HDAC9: variants seen among roughly 807,000 people sequenced by gnomAD.
The protein encoded by HDAC9 is MEF-2 interacting transcription repressor (MITR) protein.
HDAC9 carries 41 observed loss-of-function variants against 139.4 expected under a neutral mutation model. That is an observed-to-expected ratio of 0.29 (90% confidence interval 0.23 to 0.38). HDAC9 has a LOEUF of 0.38. Ranked by LOEUF, HDAC9 falls within the 10% of genes least tolerant of loss-of-function variation. The pLI is 1.00. For synonymous variants in HDAC9, 517 were observed against 476.2 expected, an observed-to-expected ratio of 1.09 and a Z score of -1.12; for missense variants, 1,147 against 1,297.0, an observed-to-expected ratio of 0.88 and a Z score of 1.78.
At chr7:18,441,695 TC>T (rs757962909) in intron 1 of HDAC9, among the ~76,000 whole-genome samples, 6 of 152,168 alleles carry the variant, frequency 3.9e-5, no homozygotes, top group Admixed American at 6.5e-5. Context: ...TATTTAAGAA[TC>T]CCTCTCTTCT....
intron 1 of HDAC9, among the ~76,000 whole-genome samples, chr7:18,349,116 C>T (rs1427712464): frequency 1.3e-5 from 2 of 152,078 alleles, no homozygotes; most frequent in African/African-American, 2.4e-5. Flanking sequence ...TTTTCTGTCA[C>T]TCAGAGTAAA....
intron 2 of HDAC9, among the ~76,000 whole-genome samples, chr7:18,195,879 G>T (rs1420403174): frequency 6.6e-6 from 1 of 151,888 alleles, no homozygotes. Context: ...CTATTCCTTT[G>T]TATTGGTTAA....
At chr7:18,435,867 G>C (rs560788702) in intron 1 of HDAC9, among the ~76,000 whole-genome samples, 1 of 149,460 alleles carries the variant, frequency 6.7e-6, no homozygotes, top group South Asian at 2.1e-4. Flanking sequence ...TGAAAAGAGA[G>C]TGATATGCAA....
intron 25 of HDAC9, among the ~76,000 whole-genome samples, chr7:18,980,685 CTTGTTCTTCTTCCTT>C (rs1563103070): frequency 3.7e-5 from 5 of 134,846 alleles, no homozygotes; most frequent in African/African-American, 8.7e-5. Flanking sequence ...TCTTGTTCTT[CTTGTTCTTCTTCCTT>C]CTTCTTCCTT....
At chr7:18,298,288 T>A (rs898939452) in intron 1 of HDAC9, among the ~76,000 whole-genome samples, 1 of 151,954 alleles carries the variant, frequency 6.6e-6, no homozygotes, top group Non-Finnish European at 1.5e-5. Context: ...ATGTTTTTTT[T>A]TTTTTTTTTT....
At chr7:18,171,080 A>C (rs1288960959) in intron 2 of HDAC9, among the ~76,000 whole-genome samples, 1 of 152,238 alleles carries the variant, frequency 6.6e-6, no homozygotes, top group Admixed American at 6.5e-5. Context: ...ATCCATGAGC[A>C]TGGAATATTC....
At chr7:18,419,105 T>A (rs1479492028) in intron 1 of HDAC9, among the ~76,000 whole-genome samples, 1 of 152,196 alleles carries the variant, frequency 6.6e-6, no homozygotes, top group African/African-American at 2.4e-5. Flanking sequence ...ATTTCATTAA[T>A]ACTTAAAAGC....
rs150400645 is a variant in HDAC9 at position 18,257,118 on chromosome 7, A to ATGTGTG, written c.25+94791_25+94796dup. Among the ~76,000 whole-genome samples, 167 of 95,286 alleles carry ATGTGTG rather than the reference A, an allele frequency of 1.8e-3. 1 individual carries two copies. Among genetic ancestry groups the ATGTGTG allele is most frequent in the African/African-American group, 2.5e-3 (87 of 34,386 alleles). The allele number at this position is 95,286 out of a possible 152,430, so 62.5% of individuals were successfully genotyped here. A position where few individuals can be genotyped will look rare whatever the true frequency, so the allele number is the denominator to read the frequency against. On this transcript the variant is annotated intron_variant, in intron 2 of 12. Coordinates refer to the HDAC9 transcript ENST00000417496. Reference sequence around the variant, plus strand: ...TGTGTATGTGTGTGTGTGTGCATGTATGTGTGTGTGTGTGTGTGTGTGTGT... The same window carrying ATGTGTG: ...TGTGTATGTGTGTGTGTGTGCATGTATGTGTGTGTGTGTGTGTGTGTGTGTGTGTGT...
At chr7:18,921,220 A>T (rs556536695) in intron 22 of HDAC9, among the ~76,000 whole-genome samples, 1 of 152,206 alleles carries the variant, frequency 6.6e-6, no homozygotes, top group African/African-American at 2.4e-5. Flanking sequence ...ACAAAAGCCA[A>T]AATTGACAAA....
Position 18,794,555 on chromosome 7 carries a change from A to G in HDAC9, c.2322+1103A>G, listed in dbSNP as rs186959993. ...AGATGTGCCTGTATATATTTGACAT[A>G]AGTAGTATTAGGACATTGCTCATCT... On this transcript the variant is annotated intron_variant, in intron 17 of 25. Coordinates refer to ENST00000686413, the MANE Select transcript of HDAC9 (RefSeq NM_178425.4). Among the ~76,000 whole-genome samples the G allele has an allele frequency of 1.1e-3, 171 of 152,310 alleles. 3 individuals carry two copies. The highest frequency in any genetic ancestry group is 3.9e-3 in the African/African-American group (163 of 41,568).
chr7:18,691,997 C>T (rs558187881), intron 12 of HDAC9, among the ~76,000 whole-genome samples: 1 of 152,028 alleles, frequency 6.6e-6, no homozygotes, highest in Non-Finnish European at 1.5e-5. Context: ...TGGCCACTTA[C>T]AAGTCTCAAG....
chr7:18,179,634 G>C (rs990240603), intron 2 of HDAC9, among the ~76,000 whole-genome samples: 1 of 151,950 alleles, frequency 6.6e-6, no homozygotes, highest in Non-Finnish European at 1.5e-5. Context: ...TCTTTTCTTT[G>C]AATATTTTAT....
At chr7:18,319,684 A>G (rs1172751040) in intron 1 of HDAC9, among the ~76,000 whole-genome samples, 1 of 152,190 alleles carries the variant, frequency 6.6e-6, no homozygotes, top group Non-Finnish European at 1.5e-5. Flanking sequence ...TTTAAGAGGC[A>G]CTTCTGTTGT....
chr7:18,809,177 A>G (rs1015560179), intron 17 of HDAC9, among the ~76,000 whole-genome samples: 3 of 152,110 alleles, frequency 2.0e-5, no homozygotes, highest in African/African-American at 7.2e-5. Flanking sequence ...AATACTATAG[A>G]CCAAATTTAA....
chr7:18,422,516 C>CAAAG (rs1789716608), intron 1 of HDAC9, among the ~76,000 whole-genome samples: 10 of 152,072 alleles, frequency 6.6e-5, no homozygotes, highest in Non-Finnish European at 1.5e-5. Flanking sequence ...TGTCCATGGA[C>CAAAG]TAATAGTGGT....
chr7:18,142,372 T>C (rs563407116), intron 1 of HDAC9, among the ~76,000 whole-genome samples: 5 of 152,286 alleles, frequency 3.3e-5, no homozygotes. Flanking sequence ...TGCTCATCCT[T>C]CTGTCCCCCC....
intron 2 of HDAC9, among the ~76,000 whole-genome samples, chr7:18,259,887 C>T (rs1030162003): frequency 3.3e-5 from 5 of 152,100 alleles, no homozygotes; most frequent in Non-Finnish European, 5.9e-5. Flanking sequence ...GTATACCAGT[C>T]GTCATGACAA....
chr7:18,681,549 AG>A (rs1408201191), intron 12 of HDAC9, among the ~76,000 whole-genome samples: 3 of 152,078 alleles, frequency 2.0e-5, no homozygotes, highest in Non-Finnish European at 4.4e-5. Flanking sequence ...ATTTGCAATA[AG>A]GACTTCTGCC....
In HDAC9 at chr7:18,415,022, C is replaced by G. The variant is rs192353545; in HGVS notation, c.-41-81240C>G. On this transcript the variant is annotated intron_variant, in intron 1 of 3. Transcript: ENST00000413509. ...TCTTTGTTAGTTCCTCACCCTTCTT[C>G]TCATTGTGTTCCCAAATATTTTCCC... is the stretch of plus-strand genomic sequence containing the variant. 1.9e-4 allele frequency among the ~76,000 whole-genome samples: 29 copies of G among 152,278 alleles called. No individual in the cohort carries two copies. In the Middle Eastern group the frequency reaches 0.01, roughly 54 times the overall value.
Sources: gnomAD v4.1 joint callset for allele counts (sites outside exome capture counted in the v4.1 genomes callset) on GRCh38, gnomAD v4.1.1 for gene constraint, MANE v1.5 for transcripts, NCBI Gene and HGNC (gene_info 2026-07-23, HGNC 2026-07-21) for gene names.